Variants in LSM4 observed in about 807,000 individuals in gnomAD.
The protein encoded by LSM4 is LSM4 homolog, U6 small nuclear RNA and mRNA degradation associated, also known as U6 snRNA-associated Sm-like protein LSm4.
In LSM4, 15 loss-of-function variants were observed where a neutral mutation model predicts 22.3. The ratio of observed to expected loss-of-function variants is 0.67; its 90% CI spans 0.45 to 1.03. LSM4 has a LOEUF of 1.03. Ranked by LOEUF, LSM4 falls within the 50% of genes least tolerant of loss-of-function variation. LSM4 has a pLI of 0.00. For missense variants in LSM4, 127 were observed against 198.0 expected (o/e 0.64, Z 2.15); for synonymous variants, 90 against 79.8 (o/e 1.13, Z -0.68).
At chr19:18,309,591 C>A in intron 4 of LSM4, 87 bp downstream of exon 4, 1 of 1,402,310 alleles carries the variant, frequency 7.1e-7, no homozygotes, top group Non-Finnish European at 9.5e-7. Context: ...TCCGAGGCAG[C>A]GCTGCAAGGG....
rs533221545 is a variant in LSM4 at position 18,312,399 on chromosome 19, C to T, written c.144+205G>A. The T allele has an allele frequency of 9.3e-6, 5 of 539,250 alleles. No homozygotes were observed. The African/African-American group carries it at 9.6e-5, about 10-fold the overall frequency. 33.4% of individuals were successfully genotyped at this position (539,250 alleles called of 1,614,324 possible). A position where few individuals can be genotyped will look rare whatever the true frequency, so the allele number is the denominator to read the frequency against. ...ACCAACAGACACACAGCAGGAAAGT[C>T]TCCCACAGGGTCAAAGTCCAGGGCA... On this transcript the variant is annotated intron_variant, in intron 3 of 4. Transcript: ENST00000593829.
At chr19:18,312,368 G>A in intron 3 of LSM4, 1 of 492,182 alleles carries the variant, frequency 2.0e-6, no homozygotes. Context: ...CCAGGTCAGG[G>A]GTGGCACCAA....
chr19:18,314,541 C>T (rs924141651), intron 2 of LSM4, among the ~76,000 whole-genome samples: 3 of 151,842 alleles, frequency 2.0e-5, no homozygotes, highest in Non-Finnish European at 4.4e-5. Context: ...GGTAAGTATC[C>T]GCTCCACGGA....
intron 2 of LSM4, among the ~76,000 whole-genome samples, 166 bp from the exon 3 acceptor site, chr19:18,312,868 G>A (rs540468372): frequency 1.3e-5 from 2 of 152,270 alleles, no homozygotes; most frequent in East Asian, 1.9e-4. Flanking sequence ...CTCTGCCTCC[G>A]CTAGACACTT....
chr19:18,310,201 T>A (rs531465876), intron 3 of LSM4: 52 of 323,406 alleles, frequency 1.6e-4, no homozygotes, highest in Non-Finnish European at 2.2e-4. Flanking sequence ...CTCTCTCTGG[T>A]TGGGGTTCTT....
rs1436106996 is a variant in LSM4, at chr19:18,307,041, G to A, written c.*423C>T. The A allele has an allele frequency of 1.2e-5, 2 of 166,426 alleles. No homozygotes were observed. Among genetic ancestry groups the A allele is most frequent in the Non-Finnish European group, 2.6e-5 (2 of 78,046 alleles). 10.3% of individuals were successfully genotyped at this position (166,426 alleles called of 1,614,324 possible). A position where few individuals can be genotyped will look rare whatever the true frequency, so the allele number is the denominator to read the frequency against. ...GGTTTGTTTTGAAGGCAATTTTGGGGCCGCGCCCAAGGAAACCCTGCAGGC... is the reference window on the plus strand; with the variant it reads ...GGTTTGTTTTGAAGGCAATTTTGGGACCGCGCCCAAGGAAACCCTGCAGGC... On this transcript the variant is annotated 3_prime_UTR_variant, in exon 5 of 5. Transcript: ENST00000593829.
chr19:18,317,898 G>T (rs1970377073), intron 1 of LSM4, among the ~76,000 whole-genome samples: 1 of 152,014 alleles, frequency 6.6e-6, no homozygotes, highest in Non-Finnish European at 1.5e-5. Context: ...TTCTATTACT[G>T]GGGGGGAAAT....
intron 3 of LSM4, 87 bp downstream of exon 3, chr19:18,312,517 A>G: frequency 8.7e-7 from 1 of 1,145,992 alleles, no homozygotes; most frequent in East Asian, 2.4e-5. Flanking sequence ...TCCCCCACTG[A>G]CTCCTCCCAT....
rs916524329 is a variant in LSM4, at chr19:18,312,659, A to G, written c.89T>C (p.Val30Ala). The G allele has an allele frequency of 1.9e-6, 3 of 1,613,704 alleles. No individual in the cohort carries two copies. Among genetic ancestry groups the G allele is most frequent in the Non-Finnish European group, 2.5e-6 (3 of 1,179,650 alleles). ...KNGETYNGHL[V>A]SCDNWMNINL... ...AATGTTCATCCAGTTGTCGCAGCTC[A>G]CCAGGTGTCCATTGTACGTCTCCCC... The change falls in exon 3 of 5, where the codon GTG (valine) becomes GCG (alanine). Residue 30 changes from valine (V) to alanine (A), a missense_variant. Val to Ala is a moderately conservative substitution (Grantham distance 64). Transcript: ENST00000593829.
Position 18,309,756 on chromosome 19 carries a change from C to T in LSM4, c.250G>A (p.Val84Met), listed in dbSNP as rs1162360240. The stretch of plus-strand genomic sequence containing the variant: ...CCTCCGCGGCCGCGGCCCTTGGCCA[C>T]CACCTCCTCCTTGACCATGTCGATG... ...EIIDMVKEEV[V>M]AKGRGRGGLQ... The change falls in exon 4 of 5, where the codon GTG (valine) becomes ATG (methionine). Residue 84 changes from valine (V) to methionine (M), a missense_variant. Physicochemically the swap from Val to Met is conservative, Grantham distance 21. Coordinates refer to ENST00000593829, the MANE Select transcript of LSM4 (RefSeq NM_012321.5). The T allele has an allele frequency of 1.5e-5, 24 of 1,613,624 alleles. No homozygotes were observed. Among genetic ancestry groups the T allele is most frequent in the Non-Finnish European group, 1.9e-5 (23 of 1,179,868 alleles).
intron 3 of LSM4, 192 bp downstream of exon 3, chr19:18,312,412 A>C (rs1267308691): frequency 1.8e-6 from 1 of 541,762 alleles, no homozygotes; most frequent in Admixed American, 3.4e-5. Context: ...CCACAGGGTC[A>C]AAGTCCAGGG....
At chr19:18,312,488 C>G in intron 3 of LSM4, 116 bp downstream of exon 3, 1 of 818,338 alleles carries the variant, frequency 1.2e-6, no homozygotes, top group South Asian at 1.5e-5. Context: ...CCTGGAAGGA[C>G]GAGCAGTCCT....
At position 18,306,710 on chromosome 19, in the gene LSM4, T is replaced by C. The variant is rs780181200; in HGVS notation, c.*754A>G. 5 of 152,178 alleles carry C rather than the reference T, an allele frequency of 3.3e-5. No homozygotes were observed. The highest frequency in any genetic ancestry group is 7.3e-5 in the Non-Finnish European group (5 of 68,044). The allele number at this position is 152,178 out of a possible 1,614,324, so 9.4% of individuals were successfully genotyped here. ...CTGGTGTGGGGGGCGCCGGGGACTC[T>C]CAAGAGCCCCCACTGTCCAGATGCT... On this transcript the variant is annotated 3_prime_UTR_variant, in exon 5 of 5. Coordinates refer to ENST00000593829, the MANE Select transcript of LSM4 (RefSeq NM_012321.5).
At chr19:18,322,233 G>C (rs182874716) in intron 1 of LSM4, among the ~76,000 whole-genome samples, 1 of 152,136 alleles carries the variant, frequency 6.6e-6, no homozygotes, top group Non-Finnish European at 1.5e-5. Flanking sequence ...CAAGGGCCTT[G>C]GTTTCTCTCA....
intron 1 of LSM4, 36 bp downstream of exon 1, chr19:18,322,982 C>T (rs1011816229): frequency 6.3e-7 from 1 of 1,591,426 alleles, no homozygotes; most frequent in South Asian, 1.1e-5. Flanking sequence ...GCTGTTCCCG[C>T]CTCCCGGTGA....
chr19:18,308,947 C>T lies in LSM4; in HGVS notation c.328+731G>A, dbSNP rs572122331. Among the ~76,000 whole-genome samples, 15 of 152,144 alleles carry T rather than the reference C, an allele frequency of 9.9e-5. 1 individual carries two copies. The highest frequency in any genetic ancestry group is 2.1e-4 in the Non-Finnish European group (14 of 68,004). ...ACCCCCCACTTCCCTAGGTAGGACC[C>T]GACCCACTCTCTCAACAACCTTGAC... On this transcript the variant is annotated intron_variant, in intron 4 of 4. Transcript: ENST00000593829.
chr19:18,319,831 G>A (rs1171345273), intron 1 of LSM4, among the ~76,000 whole-genome samples: 2 of 152,188 alleles, frequency 1.3e-5, no homozygotes, highest in Non-Finnish European at 2.9e-5. Context: ...GATGCAGCCA[G>A]TCTTTAATTA....
intron 4 of LSM4, 78 bp downstream of exon 4, chr19:18,309,600 G>A: frequency 6.8e-7 from 1 of 1,462,364 alleles, no homozygotes; most frequent in East Asian, 2.3e-5. Flanking sequence ...GCGCTGCAAG[G>A]GCAACCCCAA....
chr19:18,317,568 C>T lies in LSM4; in HGVS notation c.4-1503G>A, dbSNP rs576447388. 4.6e-5 allele frequency among the ~76,000 whole-genome samples: 7 copies of T among 152,038 alleles called. No homozygotes were observed. In the East Asian group the frequency reaches 5.8e-4, roughly 13 times the overall value. The stretch of plus-strand genomic sequence containing the variant: ...TTCACCGTGTTAGCCAGGATGGTCT[C>T]GATCTCCTGACCCCGTGATCCGCCT... On this transcript the variant is annotated intron_variant, in intron 1 of 4. Coordinates refer to ENST00000593829, the MANE Select transcript of LSM4 (RefSeq NM_012321.5).
Sources: gnomAD v4.1 joint callset for allele counts (sites outside exome capture counted in the v4.1 genomes callset) on GRCh38, gnomAD v4.1.1 for gene constraint, MANE v1.5 for transcripts, NCBI Gene and HGNC (gene_info 2026-07-23, HGNC 2026-07-21) for gene names.